DPP8: variants seen among roughly 807,000 people sequenced by gnomAD.
DPP8 encodes the protein dipeptidyl peptidase 8, also known as DPP VIII.
DPP8 carries 31 observed loss-of-function variants against 107.5 expected under a neutral mutation model. The ratio of observed to expected loss-of-function variants is 0.29; its 90% CI spans 0.22 to 0.39. The LOEUF (loss-of-function observed/expected upper bound fraction) is 0.39. DPP8 is among the 10% of genes least tolerant of loss of function. The pLI, the probability that DPP8 is intolerant of heterozygous loss-of-function variation, is 1.00. For synonymous variants in DPP8, 381 were observed against 356.6 expected (o/e 1.07, Z -0.77); for missense variants, 842 against 1,076.1 (o/e 0.78, Z 3.04).
Position 65,481,014 on chromosome 15 carries a change from G to C in DPP8, c.1118+501C>G, listed in dbSNP as rs114375037. Among the ~76,000 whole-genome samples the C allele has an allele frequency of 7.6e-3, 1,147 of 151,764 alleles. 14 individuals carry two copies. The highest frequency in any genetic ancestry group is 0.026 in the African/African-American group (1,095 of 41,352). ...CAGGAGGATAGCTTTAGCCAGGGAG[G>C]TTGAGGCTGCAGTGAGCCATGATTG... On this transcript the variant is annotated intron_variant, in intron 9 of 19. Transcript: ENST00000300141.
In DPP8 at chr15:65,512,533, T is replaced by C. The variant is rs2070921634; in HGVS notation, c.21A>G (p.Thr7=). 1 of 1,614,090 alleles carries C rather than the reference T, an allele frequency of 6.2e-7. No homozygotes were observed. Among genetic ancestry groups the C allele is most frequent in the Non-Finnish European group, 8.5e-7 (1 of 1,180,046 alleles). ...CAAATATCTCAACACCCAGCTGTTC[T>C]GTTTCCATTGCTGCTGCCATGTTGC... MAAAME[T]EQLGVEIFET... is the part of the protein sequence containing the mutation. Residue 7 remains threonine (T), a synonymous_variant, in exon 2 of 20, where the codon ACA becomes ACG. Transcript: ENST00000300141.
chr15:65,463,281 G>C (rs1351698646), intron 15 of DPP8, among the ~76,000 whole-genome samples: 1 of 152,188 alleles, frequency 6.6e-6, no homozygotes, highest in African/African-American at 2.4e-5. Context: ...GCTCACGCCT[G>C]TAATCCCAAC....
At chr15:65,450,213 C>G (rs1397695455) in intron 19 of DPP8, among the ~76,000 whole-genome samples, 1 of 152,144 alleles carries the variant, frequency 6.6e-6, no homozygotes, top group Non-Finnish European at 1.5e-5. Context: ...AGTGATCCAC[C>G]TGCCTTGGCC....
chr15:65,454,070 G>C (rs1160415848), intron 17 of DPP8, among the ~76,000 whole-genome samples, 193 bp downstream of exon 17: 1 of 149,524 alleles, frequency 6.7e-6, no homozygotes, highest in Non-Finnish European at 1.5e-5. Flanking sequence ...CCCAGGGGCA[G>C]AGATTGCAGT....
At chr15:65,504,011 C>T (rs903354043) in intron 3 of DPP8, among the ~76,000 whole-genome samples, 6 of 152,072 alleles carry the variant, frequency 3.9e-5, no homozygotes, top group Admixed American at 6.5e-5. Context: ...ATCCACCCTC[C>T]TTGGCTTCCC....
At chr15:65,474,325 C>A in intron 11 of DPP8, 37 bp from the exon 12 acceptor site, 1 of 1,402,522 alleles carries the variant, frequency 7.1e-7, no homozygotes, top group Non-Finnish European at 1.0e-6. Flanking sequence ...GTACATTATA[C>A]CAGACTATAA....
chr15:65,446,843 A>G lies in DPP8; in HGVS notation c.*41T>C. ...GTTGATTAAACCTCCTCATTTGGTT[A>G]AATAGCCAGTGTATACCAGAGAGTT... On this transcript the variant is annotated 3_prime_UTR_variant, in exon 20 of 20. Transcript: ENST00000300141. The G allele has an allele frequency of 6.5e-7, 1 of 1,549,574 alleles. No homozygotes were observed. The highest frequency in any genetic ancestry group is 2.3e-5 in the East Asian group (1 of 43,032).
intron 4 of DPP8, among the ~76,000 whole-genome samples, chr15:65,499,108 T>TAC (rs2068923307): frequency 6.6e-6 from 1 of 151,380 alleles, no homozygotes. Context: ...TGTGTGTGTA[T>TAC]ATATAAATTT....
chr15:65,516,028 A>C (rs1277805545), intron 1 of DPP8: 6 of 400,750 alleles, frequency 1.5e-5, no homozygotes, highest in Non-Finnish European at 2.6e-5. Flanking sequence ...TAACATAGCA[A>C]ACTTTGGTGT....
At chr15:65,457,994 A>G (rs1202048825) in intron 15 of DPP8, among the ~76,000 whole-genome samples, 1 of 152,184 alleles carries the variant, frequency 6.6e-6, no homozygotes, top group African/African-American at 2.4e-5. Context: ...TGCTGAAAGA[A>G]GAAATACTAG....
chr15:65,493,329 G>A (rs934497099), intron 5 of DPP8, among the ~76,000 whole-genome samples: 10 of 151,880 alleles, frequency 6.6e-5, no homozygotes, highest in African/African-American at 1.7e-4. Context: ...TGATCTGCCT[G>A]CCTCGGCCTC....
intron 2 of DPP8, among the ~76,000 whole-genome samples, chr15:65,508,285 G>C (rs1033844806): frequency 2.6e-5 from 4 of 151,856 alleles, no homozygotes; most frequent in Non-Finnish European, 5.9e-5. Context: ...AAGACCTTTA[G>C]GGTTTCCAAT....
chr15:65,479,114 T>G lies in DPP8; in HGVS notation c.1297-75A>C, dbSNP rs913204158. Reference sequence around the variant, plus strand: ...TAATTCAATTAGGCTACAGGAAAAATTTCTTGATAAATATACTTTGAAATA... The same window carrying G: ...TAATTCAATTAGGCTACAGGAAAAAGTTCTTGATAAATATACTTTGAAATA... On this transcript the variant is annotated intron_variant, in intron 10 of 19. Coordinates refer to ENST00000300141, the MANE Select transcript of DPP8 (RefSeq NM_130434.5). The G allele has an allele frequency of 2.7e-5, 27 of 1,012,446 alleles. No individual in the cohort carries two copies. The African/African-American group carries it at 4.6e-4, about 17-fold the overall frequency. The allele number at this position is 1,012,446 out of a possible 1,614,324, so 62.7% of individuals were successfully genotyped here. A position where few individuals can be genotyped will look rare whatever the true frequency, so the allele number is the denominator to read the frequency against.
intron 5 of DPP8, 138 bp downstream of exon 5, chr15:65,497,726 A>AT: frequency 1.7e-6 from 1 of 584,068 alleles, no homozygotes. Flanking sequence ...ACTTTTCTCC[A>AT]TTTTTTAAAA....
intron 19 of DPP8, among the ~76,000 whole-genome samples, chr15:65,449,974 A>ATTT (rs912761406): frequency 9.7e-6 from 1 of 102,768 alleles, no homozygotes; most frequent in Non-Finnish European, 2.1e-5. Flanking sequence ...TATTATTATT[A>ATTT]TTTTTTTTTT....
chr15:65,487,979 C>A (rs1003506486), intron 6 of DPP8, among the ~76,000 whole-genome samples, 161 bp from the exon 7 acceptor site: 1 of 152,076 alleles, frequency 6.6e-6, no homozygotes, highest in Non-Finnish European at 1.5e-5. Flanking sequence ...TTTGCAGTAG[C>A]AAGGTGAGTT....
rs778805160 is a variant in DPP8, at chr15:65,466,727, G to A, written c.1776C>T (p.Asp592=). Residue 592 remains aspartate (D), a synonymous_variant, in exon 14 of 20, where the codon GAC becomes GAT. Coordinates refer to ENST00000300141, the MANE Select transcript of DPP8 (RefSeq NM_130434.5). The part of the protein sequence containing the change: ...SLYKLSSPED[D]PTCKTKEFWA... ...AAAATTCCTTTGTTTTGCAAGTTGG[G>A]TCATCTTCAGGACTTGATAGCTTGT... 6.2e-7 allele frequency: 1 copy of A among 1,614,034 alleles called. No individual in the cohort carries two copies. The highest frequency in any genetic ancestry group is 8.5e-7 in the Non-Finnish European group (1 of 1,179,926).
intron 1 of DPP8, chr15:65,516,918 A>G (rs538194661): frequency 1.3e-5 from 2 of 152,736 alleles, no homozygotes; most frequent in Non-Finnish European, 2.9e-5. Context: ...AAGTCTTAGA[A>G]GAAAAGTGTG....
intron 15 of DPP8, among the ~76,000 whole-genome samples, chr15:65,459,188 CTCTTT>C (rs1220163692): frequency 2.0e-5 from 3 of 151,318 alleles, no homozygotes; most frequent in African/African-American, 4.9e-5. Context: ...TCTGTTTCTT[CTCTTT>C]TGACACATGG....
Sources: allele counts gnomAD v4.1 joint callset (sites outside exome capture counted in the v4.1 genomes callset), GRCh38; gene constraint gnomAD v4.1.1; transcripts MANE v1.5; gene names NCBI Gene and HGNC (gene_info 2026-07-23, HGNC 2026-07-21).